The following PHACTR4 variants were observed in gnomAD, a reference collection of about 807,000 sequenced individuals.
The protein encoded by PHACTR4 is phosphatase and actin regulator 4.
Under a neutral mutation model 72.7 loss-of-function variants are expected in PHACTR4, and 51 were observed. The ratio of observed to expected loss-of-function variants is 0.70; its 90% confidence interval spans 0.56 to 0.89. The LOEUF is 0.89. PHACTR4 is among the 40% of genes least tolerant of loss of function. PHACTR4 has a pLI of 0.00. For synonymous variants in PHACTR4, 255 were observed against 302.5 expected, an observed-to-expected ratio of 0.84 and a Z score of 1.63; for missense variants, 731 against 861.8, an observed-to-expected ratio of 0.85 and a Z score of 1.90.
At chr1:28,409,722 G>A (rs1045812389) in intron 2 of PHACTR4, among the ~76,000 whole-genome samples, 1 of 151,984 alleles carries the variant, frequency 6.6e-6, no homozygotes, top group Non-Finnish European at 1.5e-5. Context: ...CAATCATCTG[G>A]CTCAGATTAA....
intron 6 of PHACTR4, among the ~76,000 whole-genome samples, chr1:28,471,808 T>A (rs1441548426): frequency 6.6e-6 from 1 of 152,054 alleles, no homozygotes; most frequent in Middle Eastern, 3.2e-3. Flanking sequence ...GGATGATATG[T>A]TGATGGAGAC....
At chr1:28,412,540 CTG>C (rs1270784364) in intron 2 of PHACTR4, among the ~76,000 whole-genome samples, 1 of 152,042 alleles carries the variant, frequency 6.6e-6, no homozygotes, top group African/African-American at 2.4e-5. Context: ...TTCACTGTAA[CTG>C]TGTAGTTGTG....
chr1:28,423,921 T>G (rs1430757015), intron 2 of PHACTR4, among the ~76,000 whole-genome samples: 1 of 152,216 alleles, frequency 6.6e-6, no homozygotes, highest in East Asian at 1.9e-4. Flanking sequence ...TTTCTAAGTT[T>G]TAGCTTTCTT....
chr1:28,389,019 A>G (rs1652795094), intron 1 of PHACTR4, among the ~76,000 whole-genome samples: 2 of 152,178 alleles, frequency 1.3e-5, no homozygotes, highest in Non-Finnish European at 2.9e-5. Context: ...GTCAAAGGGG[A>G]TTACATCAAA....
intron 1 of PHACTR4, among the ~76,000 whole-genome samples, chr1:28,386,234 C>T (rs1458432142): frequency 1.3e-5 from 2 of 152,094 alleles, no homozygotes; most frequent in East Asian, 3.9e-4. Flanking sequence ...GCTGGGACTA[C>T]AGGCATGTGC....
At chr1:28,423,973 A>C (rs915891163) in intron 2 of PHACTR4, among the ~76,000 whole-genome samples, 21 of 152,080 alleles carry the variant, frequency 1.4e-4, no homozygotes, top group Non-Finnish European at 3.1e-4. Context: ...ATTTGAACTT[A>C]ACTTTATTTT....
In PHACTR4 at chr1:28,466,569, C is replaced by A; in HGVS notation, c.624C>A (p.Pro208=). The A allele has an allele frequency of 1.2e-6, 2 of 1,614,124 alleles. No homozygotes were observed. Among genetic ancestry groups the A allele is most frequent in the Non-Finnish European group, 8.5e-7 (1 of 1,180,026 alleles). The part of the protein sequence containing the change: ...FIISTSITTA[P]AATTAATSLA... ...TCTCCACCTCCATCACCACAGCACC[C>A]GCTGCCACCACTGCTGCCACAAGCC... The change falls in exon 6 of 14, where the codon CCC becomes CCA. Residue 208 remains proline (P), a synonymous_variant. Coordinates refer to ENST00000373839, the MANE Select transcript of PHACTR4 (RefSeq NM_001048183.3).
At chr1:28,487,019 C>A (rs1001391797) in intron 9 of PHACTR4, among the ~76,000 whole-genome samples, 5 of 151,960 alleles carry the variant, frequency 3.3e-5, no homozygotes, top group Non-Finnish European at 7.4e-5. Flanking sequence ...AAAAATTAGC[C>A]AGCCCAGTCT....
chr1:28,374,627 G>A (rs1457725230), intron 1 of PHACTR4, among the ~76,000 whole-genome samples: 1 of 151,656 alleles, frequency 6.6e-6, no homozygotes, highest in Non-Finnish European at 1.5e-5. Context: ...TTTGCTGTTG[G>A]TTTACTTCAT....
rs371142753 is a variant in PHACTR4, at chr1:28,473,895, G to C, written c.1165G>C (p.Asp389His). 24 of 1,613,968 alleles carry C rather than the reference G, an allele frequency of 1.5e-5. No homozygotes were observed. Among genetic ancestry groups the C allele is most frequent in the Non-Finnish European group, 1.9e-5 (23 of 1,179,996 alleles). Residue 389 changes from aspartate (D) to histidine (H), a missense_variant, in exon 7 of 14, where the codon GAT becomes CAT. Physicochemically the swap from Asp to His is moderately conservative, Grantham distance 81. Transcript: ENST00000373839. ...ACACCAGGAGATTCCCCAGCAGGAA[G>C]ATCAGAAAAAGGAAGTCCCCAAGAG... ...DLHQEIPQQE[D>H]QKKEVPKRIL...
intron 2 of PHACTR4, among the ~76,000 whole-genome samples, chr1:28,434,187 G>A (rs1417694839): frequency 6.6e-6 from 1 of 152,166 alleles, no homozygotes; most frequent in African/African-American, 2.4e-5. Context: ...GTTTCAGTAA[G>A]TCCGGGAGTC....
chr1:28,377,655 C>A (rs1040180579), intron 1 of PHACTR4, among the ~76,000 whole-genome samples: 7 of 151,944 alleles, frequency 4.6e-5, no homozygotes, highest in Admixed American at 2.0e-4. Context: ...ATGGCAGAAC[C>A]CTGTCTCTAC....
chr1:28,435,562 G>T (rs1024947215), intron 2 of PHACTR4, among the ~76,000 whole-genome samples: 1 of 152,228 alleles, frequency 6.6e-6, no homozygotes, highest in Non-Finnish European at 1.5e-5. Flanking sequence ...ACCACGTCCA[G>T]CCTTGTACTA....
chr1:28,473,867 T>A lies in PHACTR4; in HGVS notation c.1137T>A (p.Asp379Glu). ...VPEIEFPPSL[D>E]LHQEIPQQED... ...AAATTGAGTTTCCACCATCCTTAGATCTACACCAGGAGATTCCCCAGCAGG... is the reference window on the plus strand; with the variant it reads ...AAATTGAGTTTCCACCATCCTTAGAACTACACCAGGAGATTCCCCAGCAGG... The change falls in exon 7 of 14, where the codon GAT becomes GAA. Residue 379 changes from aspartate to glutamate, a missense_variant. Transcript: ENST00000373839. 6.2e-7 allele frequency: 1 copy of A among 1,613,992 alleles called. No homozygotes were observed. The highest frequency in any genetic ancestry group is 8.5e-7 in the Non-Finnish European group (1 of 1,179,978).
At chr1:28,370,612 A>AAAAAAAG (rs963693795) in intron 1 of PHACTR4, among the ~76,000 whole-genome samples, 9 of 64,140 alleles carry the variant, frequency 1.4e-4, no homozygotes, top group African/African-American at 1.1e-3. Flanking sequence ...GATTGCTTGC[A>AAAAAAAG]AAAAAAAAAA....
chr1:28,468,355 C>T (rs1228349043), intron 6 of PHACTR4, among the ~76,000 whole-genome samples: 1 of 152,150 alleles, frequency 6.6e-6, no homozygotes, highest in African/African-American at 2.4e-5. Context: ...CTTTGGGAGG[C>T]AGAGGCGGGT....
intron 11 of PHACTR4, 104 bp downstream of exon 11, chr1:28,491,116 C>A: frequency 8.3e-7 from 1 of 1,207,702 alleles, no homozygotes; most frequent in Non-Finnish European, 1.2e-6. Flanking sequence ...CGCCTGTAAT[C>A]CCAGCACTTT....
chr1:28,451,697 G>C (rs1452735046), intron 2 of PHACTR4, among the ~76,000 whole-genome samples: 3 of 152,088 alleles, frequency 2.0e-5, no homozygotes, highest in Non-Finnish European at 4.4e-5. Context: ...AGGCTGGAGT[G>C]CAGTGGCACA....
At chr1:28,438,131 G>C (rs889706230) in intron 2 of PHACTR4, 94 of 1,160,574 alleles carry the variant, frequency 8.1e-5, no homozygotes, top group Non-Finnish European at 9.4e-5. Context: ...TACACAGTGT[G>C]CATTCTGGAA....
Sources: allele counts gnomAD v4.1 joint callset (sites outside exome capture counted in the v4.1 genomes callset), GRCh38; gene constraint gnomAD v4.1.1; transcripts MANE v1.5; gene names NCBI Gene and HGNC (gene_info 2026-07-23, HGNC 2026-07-21).